RB1CC1: variants seen among roughly 807,000 people sequenced by gnomAD.
RB1CC1 encodes the protein RB1-inducible coiled-coil protein 1.
Under a neutral mutation model 177.5 loss-of-function variants are expected in RB1CC1, and 46 were observed. That is an observed-to-expected ratio of 0.26 (90% CI 0.20 to 0.33). RB1CC1 has a LOEUF of 0.33. RB1CC1 is among the 10% of genes least tolerant of loss of function. The pLI is 1.00. For missense variants in RB1CC1, 1,703 were observed against 1,816.3 expected (o/e 0.94, Z 1.13); for synonymous variants, 666 against 613.6 (o/e 1.09, Z -1.26).
At chr8:52,630,260 C>T (rs1303609513) in intron 21 of RB1CC1, among the ~76,000 whole-genome samples, 1 of 152,090 alleles carries the variant, frequency 6.6e-6, no homozygotes, top group Non-Finnish European at 1.5e-5. Flanking sequence ...AATCATAATG[C>T]TATAACTGGA....
At chr8:52,634,482 C>T (rs1848985741) in intron 20 of RB1CC1, among the ~76,000 whole-genome samples, 1 of 151,612 alleles carries the variant, frequency 6.6e-6, no homozygotes, top group Non-Finnish European at 1.5e-5. Flanking sequence ...GTCGAGATCA[C>T]ACCACTCCAG....
At chr8:52,658,748 C>T (rs2150488941) in intron 13 of RB1CC1, 125 bp downstream of exon 13, 1 of 534,918 alleles carries the variant, frequency 1.9e-6, no homozygotes, top group East Asian at 3.6e-5. Context: ...CACAGGAAAG[C>T]CAGTCTATCT....
chr8:52,642,343 A>G lies in RB1CC1; in HGVS notation c.4337+8T>C. 1 of 1,604,136 alleles carries G rather than the reference A, an allele frequency of 6.2e-7. No homozygotes were observed. Among genetic ancestry groups the G allele is most frequent in the Non-Finnish European group, 8.5e-7 (1 of 1,172,542 alleles). On this transcript the variant is annotated splice_region_variant and intron_variant, in intron 18 of 23. Coordinates refer to ENST00000025008, the MANE Select transcript of RB1CC1 (RefSeq NM_014781.5). ...GCCTTAAAAACAGTTGAAAACAGCC[A>G]TACTTACTGTACAGACATCATGCTT...
chr8:52,668,338 A>G, intron 7 of RB1CC1, 147 bp from the exon 8 acceptor site: 1 of 846,800 alleles, frequency 1.2e-6, no homozygotes, highest in Non-Finnish European at 1.8e-6. Flanking sequence ...TTATACTTTC[A>G]TAAGAAGGTC....
rs534450827 is a variant in RB1CC1 at position 52,661,734 on chromosome 8, AT to A, written c.1174-16del. On this transcript the variant is annotated splice_polypyrimidine_tract_variant and intron_variant, in intron 8 of 23. Transcript: ENST00000025008. ...GCTAAAAATCCCTTTGAGAAAAAAA[AT>A]GTTTCAAAGGACATTAATTTTGTTT... 187 of 1,528,726 alleles carry A rather than the reference AT, an allele frequency of 1.2e-4. 2 individuals carry two copies. The South Asian group carries it at 1.5e-3, about 12-fold the overall frequency. The allele number at this position is 1,528,726 out of a possible 1,614,324, so 94.7% of individuals were successfully genotyped here.
At chr8:52,664,541 T>G (rs1287053442) in intron 8 of RB1CC1, among the ~76,000 whole-genome samples, 1 of 152,106 alleles carries the variant, frequency 6.6e-6, no homozygotes, top group Non-Finnish European at 1.5e-5. Flanking sequence ...AATAGCAAAA[T>G]ACTACAAATA....
intron 15 of RB1CC1, among the ~76,000 whole-genome samples, chr8:52,652,508 T>G (rs1850692099): frequency 1.3e-5 from 2 of 150,972 alleles, no homozygotes; most frequent in Admixed American, 6.6e-5. Context: ...TGTAATGAGG[T>G]TATTTGAAAA....
At chr8:52,711,741 C>T (rs747007302) in intron 1 of RB1CC1, among the ~76,000 whole-genome samples, 9 of 152,210 alleles carry the variant, frequency 5.9e-5, no homozygotes, top group Admixed American at 5.2e-4. Context: ...CTATGACTTC[C>T]AAACCTGAAT....
At chr8:52,662,097 C>T (rs1851684503) in intron 8 of RB1CC1, among the ~76,000 whole-genome samples, 1 of 151,948 alleles carries the variant, frequency 6.6e-6, no homozygotes, top group Non-Finnish European at 1.5e-5. Flanking sequence ...TTTAATCTAG[C>T]AAACATTATA....
At chr8:52,653,644 A>G (rs1469765831) in intron 15 of RB1CC1, among the ~76,000 whole-genome samples, 2 of 152,136 alleles carry the variant, frequency 1.3e-5, no homozygotes, top group African/African-American at 2.4e-5. Flanking sequence ...TTTGGGCCCA[A>G]TGGTTCCCTC....
intron 7 of RB1CC1, among the ~76,000 whole-genome samples, chr8:52,672,879 T>C (rs1852735515): frequency 6.6e-6 from 1 of 152,256 alleles, no homozygotes; most frequent in Non-Finnish European, 1.5e-5. Context: ...TTAATTCATT[T>C]TTGGCAGTGA....
At chr8:52,626,615 C>T (rs1055891955) in intron 22 of RB1CC1, among the ~76,000 whole-genome samples, 18 of 151,914 alleles carry the variant, frequency 1.2e-4, no homozygotes, top group African/African-American at 4.3e-4. Context: ...AAATCATATT[C>T]AAATAAAAGG....
chr8:52,688,068 G>A (rs542513592), intron 1 of RB1CC1, among the ~76,000 whole-genome samples: 3 of 152,104 alleles, frequency 2.0e-5, no homozygotes, highest in African/African-American at 7.2e-5. Flanking sequence ...TGTTATCTTC[G>A]TAAACTGAGG....
Position 52,699,858 on chromosome 8 carries a change from T to TACAC in RB1CC1, c.-166-12895_-166-12892dup, listed in dbSNP as rs1554557208. On this transcript the variant is annotated intron_variant, in intron 1 of 23. Transcript: ENST00000025008. ...ATATATATATATATATATATATATATACACACAAAAACAAAAGAAAGCTTA... is the reference window on the plus strand; with the variant it reads ...ATATATATATATATATATATATATATACACACACACAAAAACAAAAGAAAGCTTA... Among the ~76,000 whole-genome samples the TACAC allele has an allele frequency of 2.8e-4, 29 of 102,770 alleles. No homozygotes were observed. In the East Asian group the frequency reaches 3.5e-3, roughly 12 times the overall value. The allele number at this position is 102,770 out of a possible 152,430, so 67.4% of individuals were successfully genotyped here. A position where few individuals can be genotyped will look rare whatever the true frequency, so the allele number is the denominator to read the frequency against.
At chr8:52,665,222 A>C (rs1016125367) in intron 8 of RB1CC1, among the ~76,000 whole-genome samples, 1 of 152,234 alleles carries the variant, frequency 6.6e-6, no homozygotes, top group Non-Finnish European at 1.5e-5. Flanking sequence ...TCTATAATAG[A>C]CAAAGAACTA....
intron 8 of RB1CC1, among the ~76,000 whole-genome samples, chr8:52,663,005 G>A (rs1369010607): frequency 1.3e-5 from 2 of 151,998 alleles, no homozygotes; most frequent in South Asian, 2.1e-4. Flanking sequence ...TGTAAGTACT[G>A]TATTGCTAAA....
At chr8:52,689,589 C>A (rs2150627086) in intron 1 of RB1CC1, among the ~76,000 whole-genome samples, 1 of 152,272 alleles carries the variant, frequency 6.6e-6, no homozygotes, top group East Asian at 1.9e-4. Flanking sequence ...TATTAAATGA[C>A]AATAACACCT....
In RB1CC1 at chr8:52,645,686, G is replaced by A. The variant is rs746804157; in HGVS notation, c.3987+16C>T. 1 of 1,601,776 alleles carries A rather than the reference G, an allele frequency of 6.2e-7. No individual in the cohort carries two copies. The highest frequency in any genetic ancestry group is 2.2e-5 in the East Asian group (1 of 44,492). On this transcript the variant is annotated intron_variant, in intron 16 of 23. Transcript: ENST00000025008. ...CTTCTTTAGTTCTCAAATGAAATGG[G>A]AAAAGAGATACAGACCTGTTGTTCC...
rs1030856166 is a variant in RB1CC1 at position 52,673,995 on chromosome 8, A to G, written c.852T>C (p.Ser284=). ...SGKEIRESCQ[S]TVHQQDETTI... The stretch of plus-strand genomic sequence containing the variant: ...TAGTTTCATCTTGCTGATGAACAGT[A>G]CTTTGACAAGATTCCCTAATTTCTT... Residue 284 remains serine, a synonymous_variant, in exon 7 of 24, where the codon AGT becomes AGC. Transcript: ENST00000025008. 8 of 1,614,192 alleles carry G rather than the reference A, an allele frequency of 5.0e-6. No individual in the cohort carries two copies. The highest frequency in any genetic ancestry group is 1.6e-4 in the Middle Eastern group (1 of 6,062).
Sources: gnomAD v4.1 joint callset for allele counts (sites outside exome capture counted in the v4.1 genomes callset) on GRCh38, gnomAD v4.1.1 for gene constraint, MANE v1.5 for transcripts, NCBI Gene and HGNC (gene_info 2026-07-23, HGNC 2026-07-21) for gene names.